SWT1: variants seen among roughly 807,000 people sequenced by gnomAD.
SWT1 encodes SWT1 RNA endoribonuclease homolog.
A neutral mutation model predicts 107.3 loss-of-function variants in SWT1; 33 were observed. That is an observed-to-expected ratio of 0.31 (90% CI 0.23 to 0.41). The LOEUF is 0.41. Ranked by LOEUF, SWT1 falls within the 10% of genes least tolerant of loss-of-function variation. The pLI, the probability that SWT1 is intolerant of heterozygous loss-of-function variation, is 1.00. For missense variants in SWT1, 898 were observed against 1,028.9 expected, an observed-to-expected ratio of 0.87 and a Z score of 1.74; for synonymous variants, 345 against 348.3, an observed-to-expected ratio of 0.99 and a Z score of 0.11.
At chr1:185,254,316 C>T in intron 16 of SWT1, among the ~76,000 whole-genome samples, 2 of 131,592 alleles carry the variant, frequency 1.5e-5, no homozygotes, top group Admixed American at 7.5e-5. Context: ...GGAGGATTCC[C>T]TCTTTTTCTA....
chr1:185,171,309 A>G (rs957268725), intron 4 of SWT1: 6 of 202,958 alleles, frequency 3.0e-5, no homozygotes, highest in African/African-American at 1.2e-4. Flanking sequence ...AAGAATTCGT[A>G]TAAAATATTC....
At chr1:185,198,224 C>T (rs183494384) in intron 10 of SWT1, among the ~76,000 whole-genome samples, 1 of 152,282 alleles carries the variant, frequency 6.6e-6, no homozygotes, top group East Asian at 1.9e-4. Flanking sequence ...GCAGGTTGTT[C>T]AGTTTCCATG....
rs1178682858 is a variant in SWT1, at chr1:185,238,208, A to G, written c.2441+6500A>G. ...GCCATATTGCTCAGGCTGGTCTTGA[A>G]CTCCTGGGCTCAAGTGATCCTCCTT... On this transcript the variant is annotated intron_variant, in intron 16 of 18. Coordinates refer to ENST00000367500, the MANE Select transcript of SWT1 (RefSeq NM_017673.7). 2.6e-5 allele frequency among the ~76,000 whole-genome samples: 4 copies of G among 151,556 alleles called. No homozygotes were observed. The East Asian group carries it at 5.8e-4, about 22-fold the overall frequency.
chr1:185,284,898 T>C (rs1218613125), intron 18 of SWT1, among the ~76,000 whole-genome samples: 1 of 152,028 alleles, frequency 6.6e-6, no homozygotes, highest in Non-Finnish European at 1.5e-5. Flanking sequence ...TCTTTTTTTT[T>C]TTTTTCCATG....
In SWT1 at chr1:185,184,293, C is replaced by G; in HGVS notation, c.1189C>G (p.Leu397Val). ...KLLIVIDTNI[L>V]MNHLKFVRIL... ...TCTAATTGTTATTGACACAAATATT[C>G]TGATGAATCATCTCAAATTTGTTAG... The change falls in exon 8 of 19, where the codon CTG becomes GTG. Residue 397 changes from leucine (L) to valine (V), a missense_variant. By Grantham distance (32) the Leu-to-Val change is conservative. Around this residue, in one of 6 missense-constraint regions of SWT1, gnomAD observed 94 missense variants for 114.5 expected, o/e 0.82. Transcript: ENST00000367500. 1 of 1,578,000 alleles carries G rather than the reference C, an allele frequency of 6.3e-7. No individual in the cohort carries two copies. The highest frequency in any genetic ancestry group is 8.6e-7 in the Non-Finnish European group (1 of 1,157,876).
chr1:185,242,413 A>G (rs16823859), intron 16 of SWT1, among the ~76,000 whole-genome samples: 18,121 of 152,156 alleles, frequency 0.12, 1,429 homozygotes, highest in East Asian at 0.28. Flanking sequence ...ATTTCATTTT[A>G]CATATCTAAA....
chr1:185,237,738 C>T (rs1660995542), intron 16 of SWT1, among the ~76,000 whole-genome samples: 1 of 151,996 alleles, frequency 6.6e-6, no homozygotes, highest in Non-Finnish European at 1.5e-5. Flanking sequence ...TTGGGCCCTA[C>T]CTTAATCCTA....
At chr1:185,252,532 G>C (rs1410989260) in intron 16 of SWT1, among the ~76,000 whole-genome samples, 1 of 152,226 alleles carries the variant, frequency 6.6e-6, no homozygotes, top group South Asian at 2.1e-4. Context: ...CTGATGGCCA[G>C]TGATAATGAG....
chr1:185,174,853 AT>A lies in SWT1; in HGVS notation c.707del (p.Ile236ThrfsTer3). ...GSRRQKISFKIPIKSRDTLQK... is the reference protein window; with the variant it reads ...GSRRQKISFKXPIKSRDTLQK... ...TAGAAGACAGAAGATCAGTTTCAAA[AT>A]CCCTATAAAATCCCGTGACACCCTC... On this transcript the variant is annotated frameshift_variant, in exon 5 of 19. Coordinates refer to ENST00000367500, the MANE Select transcript of SWT1 (RefSeq NM_017673.7). LOFTEE classifies it high-confidence loss of function. 3 of 1,614,126 alleles carry A rather than the reference AT, an allele frequency of 1.9e-6. No homozygotes were observed. Among genetic ancestry groups the A allele is most frequent in the Non-Finnish European group, 2.5e-6 (3 of 1,180,012 alleles).
chr1:185,161,073 T>G, intron 2 of SWT1, 148 bp downstream of exon 2: 1 of 625,444 alleles, frequency 1.6e-6, no homozygotes, highest in Non-Finnish European at 2.7e-6. Context: ...TCCGGTTTTT[T>G]ACTTGCATTG....
At chr1:185,249,419 C>G (rs1404045537) in intron 16 of SWT1, among the ~76,000 whole-genome samples, 1 of 152,128 alleles carries the variant, frequency 6.6e-6, no homozygotes, top group Non-Finnish European at 1.5e-5. Context: ...AGTCTGCCTT[C>G]TGGTCACAGC....
chr1:185,214,342 C>T (rs773831606), intron 13 of SWT1, among the ~76,000 whole-genome samples, 165 bp from the exon 14 acceptor site: 1 of 152,130 alleles, frequency 6.6e-6, no homozygotes, highest in Non-Finnish European at 1.5e-5. Flanking sequence ...ATAACTAAAT[C>T]TATTTAATTA....
At chr1:185,180,339 C>T in intron 5 of SWT1, 52 bp from the exon 6 acceptor site, 1 of 1,446,778 alleles carries the variant, frequency 6.9e-7, no homozygotes, top group East Asian at 2.3e-5. Context: ...GGTTGAAAAA[C>T]CCTATTTAGG....
chr1:185,159,974 T>C (rs1444741146), intron 1 of SWT1, among the ~76,000 whole-genome samples: 1 of 152,132 alleles, frequency 6.6e-6, no homozygotes, highest in Non-Finnish European at 1.5e-5. Flanking sequence ...TCCGCCTGTC[T>C]CGGCCTCCCA....
At chr1:185,250,337 G>A (rs1661916733) in intron 16 of SWT1, among the ~76,000 whole-genome samples, 1 of 152,112 alleles carries the variant, frequency 6.6e-6, no homozygotes, top group Non-Finnish European at 1.5e-5. Flanking sequence ...GATTCTAAGA[G>A]GCACTTTAGC....
intron 17 of SWT1, among the ~76,000 whole-genome samples, chr1:185,275,364 A>G (rs980679839): frequency 1.3e-5 from 2 of 151,190 alleles, no homozygotes; most frequent in African/African-American, 4.8e-5. Flanking sequence ...TTTTTATAAC[A>G]TTTTTAGAAG....
At chr1:185,213,790 A>G (rs906169486) in intron 13 of SWT1, among the ~76,000 whole-genome samples, 20 of 152,234 alleles carry the variant, frequency 1.3e-4, no homozygotes, top group Admixed American at 9.2e-4. Flanking sequence ...AAATTTTTGA[A>G]ATTATTGTCA....
At chr1:185,210,034 T>C (rs545498431) in intron 13 of SWT1, among the ~76,000 whole-genome samples, 1 of 152,306 alleles carries the variant, frequency 6.6e-6, no homozygotes, top group East Asian at 1.9e-4. Flanking sequence ...TTTTGAGAAG[T>C]GTCTGTTCAT....
chr1:185,166,579 AAG>A lies in SWT1; in HGVS notation c.98_99del (p.Arg33LysfsTer8). ...TCTTTATTGCATTCTTAGGACAAGA[AAG>A]AGAGAAAAACCCCAGCAAGTTCTAC... is the stretch of plus-strand genomic sequence containing the variant. On this transcript the variant is annotated frameshift_variant, in exon 3 of 19. Coordinates refer to ENST00000367500, the MANE Select transcript of SWT1 (RefSeq NM_017673.7). LOFTEE classifies it high-confidence loss of function. 1 of 1,597,226 alleles carries A rather than the reference AAG, an allele frequency of 6.3e-7. No individual in the cohort carries two copies. Among genetic ancestry groups the A allele is most frequent in the Non-Finnish European group, 8.6e-7 (1 of 1,168,554 alleles).
Sources: gnomAD v4.1 joint callset for allele counts (sites outside exome capture counted in the v4.1 genomes callset) on GRCh38, gnomAD v4.1.1 for gene constraint, gnomAD v4.1.1 regional missense constraint, MANE v1.5 for transcripts, NCBI Gene and HGNC (gene_info 2026-07-23, HGNC 2026-07-21) for gene names.